ARHGAP25: variants seen among roughly 807,000 people sequenced by gnomAD.
ARHGAP25 encodes the protein Rho GTPase activating protein 25, also known as rho GTPase-activating protein 25.
Under a neutral mutation model 71.0 loss-of-function variants are expected in ARHGAP25, and 34 were observed. The ratio of observed to expected loss-of-function variants is 0.48; its 90% confidence interval spans 0.36 to 0.64. The LOEUF (loss-of-function observed/expected upper bound fraction) is 0.64, where lower values mean the gene tolerates loss of function less well. Among genes scored for constraint, ARHGAP25 ranks in the 30% least tolerant of loss-of-function variants. The pLI, the probability that ARHGAP25 is intolerant of heterozygous loss-of-function variation, is 0.00. For synonymous variants in ARHGAP25, 282 were observed against 296.5 expected, an observed-to-expected ratio of 0.95 and a Z score of 0.50; for missense variants, 706 against 805.1, an observed-to-expected ratio of 0.88 and a Z score of 1.49.
At chr2:68,758,135 G>T (rs1349801483) in intron 1 of ARHGAP25, among the ~76,000 whole-genome samples, 1 of 151,964 alleles carries the variant, frequency 6.6e-6, no homozygotes, top group East Asian at 1.9e-4. Flanking sequence ...AAGGAAGAAA[G>T]TTAAATCTTT....
At chr2:68,711,534 A>G (rs1323259190) in intron 2 of ARHGAP25, among the ~76,000 whole-genome samples, 1 of 152,178 alleles carries the variant, frequency 6.6e-6, no homozygotes, top group Middle Eastern at 3.4e-3. Flanking sequence ...AATTTTTTTA[A>G]TATACTTTAA....
intron 3 of ARHGAP25, among the ~76,000 whole-genome samples, chr2:68,782,906 C>T (rs1678443913): frequency 6.6e-6 from 1 of 152,234 alleles, no homozygotes; most frequent in Non-Finnish European, 1.5e-5. Flanking sequence ...CACTGAGATG[C>T]TTCTACTCTT....
intron 1 of ARHGAP25, among the ~76,000 whole-genome samples, chr2:68,765,270 T>G (rs1221973045): frequency 6.6e-6 from 1 of 151,976 alleles, no homozygotes; most frequent in Non-Finnish European, 1.5e-5. Flanking sequence ...ATCTGTGTAG[T>G]GTCATTCCGC....
At chr2:68,730,735 A>G (rs2104269113), upstream of ARHGAP25, among the ~76,000 whole-genome samples, 1 of 152,122 alleles carries the variant, frequency 6.6e-6, no homozygotes, top group South Asian at 2.1e-4. Flanking sequence ...CAGCTCCTGC[A>G]ACTTCAACTA....
chr2:68,712,797 T>G (rs1674517910), intron 2 of ARHGAP25, among the ~76,000 whole-genome samples: 2 of 152,222 alleles, frequency 1.3e-5, no homozygotes, highest in South Asian at 4.1e-4. Flanking sequence ...TTTGTCAGGT[T>G]TGTCAAAGAT....
intron 2 of ARHGAP25, among the ~76,000 whole-genome samples, chr2:68,776,120 G>GGCC (rs1677890711): frequency 6.6e-6 from 1 of 151,924 alleles, no homozygotes. Flanking sequence ...CAGAGAGAAC[G>GGCC]GCCGGTGCTA....
chr2:68,721,458 G>T (rs1674758981), intron 2 of ARHGAP25, among the ~76,000 whole-genome samples: 1 of 152,190 alleles, frequency 6.6e-6, no homozygotes. Flanking sequence ...AAGTCATGAT[G>T]ACAGTCATGA....
chr2:68,767,477 T>C lies in ARHGAP25; in HGVS notation c.62-7744T>C, dbSNP rs1029434833. Among the ~76,000 whole-genome samples, 8 of 152,060 alleles carry C rather than the reference T, an allele frequency of 5.3e-5. No individual in the cohort carries two copies. The highest frequency in any genetic ancestry group is 1.9e-4 in the African/African-American group (8 of 41,386). The stretch of plus-strand genomic sequence containing the variant: ...TGTGCGGGGTGTGGGCAGGGACGTA[T>C]GAATCTGTTTATCATTTTCAGGTGG... On this transcript the variant is annotated intron_variant, in intron 1 of 10. Transcript: ENST00000409202. This position sits in a 1 kb window ranked among gnomAD's most constrained non-coding sequence, Gnocchi z 4.6.
intron 2 of ARHGAP25, among the ~76,000 whole-genome samples, chr2:68,725,527 C>T (rs1422455341): frequency 6.6e-6 from 1 of 151,974 alleles, no homozygotes; most frequent in Non-Finnish European, 1.5e-5. Context: ...GATGGGGCCT[C>T]AACTGTGTTG....
chr2:68,731,646 G>C (rs951719359), upstream of ARHGAP25, among the ~76,000 whole-genome samples: 9 of 152,034 alleles, frequency 5.9e-5, no homozygotes, highest in African/African-American at 1.9e-4. Context: ...GGAGCGACCT[G>C]AAGAACTTTC....
At position 68,734,906 on chromosome 2, in the gene ARHGAP25, T is replaced by C. The variant is rs1675125939; in HGVS notation, c.-294T>C. 2 of 452,660 alleles carry C rather than the reference T, an allele frequency of 4.4e-6. No homozygotes were observed. The highest frequency in any genetic ancestry group is 7.9e-5 in the Admixed American group (2 of 25,374). 28.0% of individuals were successfully genotyped at this position (452,660 alleles called of 1,614,324 possible). A position where few individuals can be genotyped will look rare whatever the true frequency, so the allele number is the denominator to read the frequency against. ...GCAGAGGGAAGTGTCAACTGGGATA[T>C]TTCTGGTAAAACTGAAAGCAAGAAA... On this transcript the variant is annotated 5_prime_UTR_variant, in exon 1 of 11. Coordinates refer to ENST00000409202, the MANE Select transcript of ARHGAP25 (RefSeq NM_001007231.3).
chr2:68,813,558 G>A, intron 6 of ARHGAP25, 139 bp downstream of exon 6: 1 of 933,934 alleles, frequency 1.1e-6, no homozygotes, highest in Non-Finnish European at 1.5e-6. Context: ...AGCAACAAAA[G>A]GTATATGAAC....
intron 2 of ARHGAP25, among the ~76,000 whole-genome samples, chr2:68,725,226 T>C (rs554170099): frequency 1.3e-5 from 2 of 152,310 alleles, no homozygotes; most frequent in East Asian, 3.9e-4. Flanking sequence ...ACCTAGACCA[T>C]TGCAGTCAGC....
chr2:68,825,254 C>T (rs1682031120), intron 10 of ARHGAP25, among the ~76,000 whole-genome samples: 1 of 152,122 alleles, frequency 6.6e-6, no homozygotes, highest in Admixed American at 6.5e-5. Flanking sequence ...CTATGCTCTC[C>T]ATTGACACAG....
intron 1 of ARHGAP25, among the ~76,000 whole-genome samples, chr2:68,746,930 C>G (rs1675864465): frequency 6.6e-6 from 1 of 150,538 alleles, no homozygotes; most frequent in Admixed American, 6.6e-5. Context: ...ATCGCTTGAA[C>G]CCGGGAGGCA....
intron 4 of ARHGAP25, among the ~76,000 whole-genome samples, chr2:68,804,546 A>G (rs1441895550): frequency 3.9e-5 from 6 of 152,162 alleles, no homozygotes; most frequent in Non-Finnish European, 5.9e-5. Context: ...GTTTCTCACC[A>G]TGTTTTGTGT....
intron 1 of ARHGAP25, among the ~76,000 whole-genome samples, chr2:68,765,515 G>A (rs561909888): frequency 1.5e-3 from 227 of 152,156 alleles, no homozygotes; most frequent in African/African-American, 5.0e-3. Context: ...AGAATATTTC[G>A]TCACATTGTT....
chr2:68,766,301 T>G (rs147730927), intron 1 of ARHGAP25, among the ~76,000 whole-genome samples: 1 of 152,324 alleles, frequency 6.6e-6, no homozygotes, highest in East Asian at 1.9e-4. Context: ...CATATGCAGT[T>G]AACCAGCTAC....
chr2:68,732,796 G>T (rs138996932), upstream of ARHGAP25, among the ~76,000 whole-genome samples: 72 of 152,318 alleles, frequency 4.7e-4, 2 homozygotes, highest in East Asian at 0.013. Flanking sequence ...CGTTAAATGC[G>T]CTTGCAAGGT....
Sources: gnomAD v4.1 joint callset for allele counts (sites outside exome capture counted in the v4.1 genomes callset) on GRCh38, gnomAD v4.1.1 for gene constraint, Gnocchi (gnomAD v3.1) non-coding constraint, MANE v1.5 for transcripts, NCBI Gene and HGNC (gene_info 2026-07-23, HGNC 2026-07-21) for gene names.